DGKI: variants seen among roughly 807,000 people sequenced by gnomAD.
DGKI encodes the protein diacylglycerol kinase iota.
Under a neutral mutation model 147.5 loss-of-function variants are expected in DGKI, and 55 were observed. The observed-to-expected ratio is 0.37, with a 90% CI of 0.30 to 0.47. The LOEUF is 0.47. Among genes scored for constraint, DGKI ranks in the 20% least tolerant of loss-of-function variants. The pLI, the probability that DGKI is intolerant of heterozygous loss-of-function variation, is 1.00. For synonymous variants in DGKI, 469 were observed against 477.1 expected, an observed-to-expected ratio of 0.98 and a Z score of 0.22; for missense variants, 1,007 against 1,323.8, an observed-to-expected ratio of 0.76 and a Z score of 3.71.
At chr7:137,469,724 G>A in intron 23 of DGKI, 105 bp from the exon 24 acceptor site, 2 of 892,700 alleles carry the variant, frequency 2.2e-6, no homozygotes, top group Non-Finnish European at 3.3e-6. Context: ...CTGGTGAGAA[G>A]AGCAAATCAC....
Position 137,550,320 on chromosome 7 carries a change from C to T in DGKI, c.2147+2049G>A, listed in dbSNP as rs894725743. The stretch of plus-strand genomic sequence containing the variant: ...CCTCCTGAGTAGCTGGGATTACAGG[C>T]GCATGCCACCACACCTGTCTAATTT... On this transcript the variant is annotated intron_variant, in intron 20 of 32. Coordinates refer to ENST00000614521, the MANE Select transcript of DGKI (RefSeq NM_001321708.2). Among the ~76,000 whole-genome samples, 25 of 151,904 alleles carry T rather than the reference C, an allele frequency of 1.6e-4. 3 individuals are homozygous for T. The highest frequency in any genetic ancestry group is 7.2e-4 in the Admixed American group (11 of 15,238).
intron 1 of DGKI, among the ~76,000 whole-genome samples, chr7:137,764,968 A>C (rs1795967779): frequency 6.6e-6 from 1 of 152,132 alleles, no homozygotes; most frequent in Non-Finnish European, 1.5e-5. Context: ...CTAAAGTTTC[A>C]CAGCTAATAA....
At chr7:137,656,328 A>C in intron 4 of DGKI, 138 bp downstream of exon 4, 1 of 826,020 alleles carries the variant, frequency 1.2e-6, no homozygotes, top group Non-Finnish European at 2.0e-6. Context: ...TCCATTAGTA[A>C]TCTGGTAATA....
intron 28 of DGKI, among the ~76,000 whole-genome samples, chr7:137,424,745 C>A (rs1325988051): frequency 6.6e-6 from 1 of 152,174 alleles, no homozygotes; most frequent in African/African-American, 2.4e-5. Flanking sequence ...TATCTCGCAC[C>A]TGGATTGGAG....
chr7:137,418,294 C>T (rs1812433934), intron 28 of DGKI, among the ~76,000 whole-genome samples: 1 of 152,166 alleles, frequency 6.6e-6, no homozygotes. Flanking sequence ...CTCTGCCTTG[C>T]AAATAAGCTC....
At chr7:137,568,495 G>C (rs948383747) in intron 19 of DGKI, among the ~76,000 whole-genome samples, 5 of 152,144 alleles carry the variant, frequency 3.3e-5, no homozygotes, top group African/African-American at 1.2e-4. Flanking sequence ...TATTTGGACT[G>C]CATCAGTGGC....
chr7:137,679,480 G>C (rs1374431405), intron 2 of DGKI, among the ~76,000 whole-genome samples: 1 of 150,780 alleles, frequency 6.6e-6, no homozygotes, highest in East Asian at 1.9e-4. Flanking sequence ...GGAAATTATA[G>C]ATTTATATAT....
intron 1 of DGKI, among the ~76,000 whole-genome samples, chr7:137,823,847 T>C (rs1399553634): frequency 6.6e-6 from 1 of 152,214 alleles, no homozygotes; most frequent in East Asian, 1.9e-4. Context: ...AAGAACTTTG[T>C]GGAAGAATCA....
intron 21 of DGKI, chr7:137,493,915 C>T: frequency 1.7e-6 from 1 of 601,454 alleles, no homozygotes. Flanking sequence ...ACACCCAATC[C>T]AAAAATTCTA....
chr7:137,386,412 A>T lies in DGKI; in HGVS notation c.*4808T>A, dbSNP rs1380475811. 6.6e-6 allele frequency: 1 copy of T among 152,122 alleles called. No homozygotes were observed. The highest frequency in any genetic ancestry group is 1.5e-5 in the Non-Finnish European group (1 of 68,014). 9.4% of individuals were successfully genotyped at this position (152,122 alleles called of 1,614,324 possible). A position where few individuals can be genotyped will look rare whatever the true frequency, so the allele number is the denominator to read the frequency against. ...AGCCGTGATTGTGTACCCTCATGGG[A>T]CTAAGACAGATATTTGCTAAACCTG... On this transcript the variant is annotated 3_prime_UTR_variant, in exon 33 of 33. Coordinates refer to ENST00000614521, the MANE Select transcript of DGKI (RefSeq NM_001321708.2).
intron 27 of DGKI, among the ~76,000 whole-genome samples, chr7:137,456,288 A>G (rs1814203214): frequency 6.6e-6 from 1 of 152,236 alleles, no homozygotes; most frequent in Non-Finnish European, 1.5e-5. Flanking sequence ...TGGAACCCAC[A>G]GCCTAACAAA....
intron 15 of DGKI, among the ~76,000 whole-genome samples, chr7:137,578,637 T>C (rs1402319573): frequency 6.6e-6 from 1 of 152,182 alleles, no homozygotes; most frequent in African/African-American, 2.4e-5. Context: ...GTGGAGTCTA[T>C]ACATCTGTGG....
chr7:137,735,008 G>A (rs1181766304), intron 1 of DGKI, among the ~76,000 whole-genome samples: 1 of 151,896 alleles, frequency 6.6e-6, no homozygotes, highest in Non-Finnish European at 1.5e-5. Flanking sequence ...CATTACCCTG[G>A]GTGGCTCCTT....
intron 12 of DGKI, among the ~76,000 whole-genome samples, chr7:137,591,446 G>C (rs1016559768): frequency 2.0e-5 from 3 of 152,084 alleles, no homozygotes; most frequent in African/African-American, 7.2e-5. Context: ...TCTGGCTGAG[G>C]TGGGTCTATA....
At chr7:137,627,644 C>A (rs916977191) in intron 6 of DGKI, among the ~76,000 whole-genome samples, 1 of 152,122 alleles carries the variant, frequency 6.6e-6, no homozygotes, top group Non-Finnish European at 1.5e-5. Context: ...GGATAAAAAT[C>A]AATACAGTAG....
chr7:137,438,193 A>T (rs1813354736), intron 28 of DGKI, among the ~76,000 whole-genome samples: 1 of 152,156 alleles, frequency 6.6e-6, no homozygotes, highest in South Asian at 2.1e-4. Flanking sequence ...AATAATTTTT[A>T]CATAGAATAC....
At chr7:137,495,088 T>G (rs1463612601) in intron 21 of DGKI, among the ~76,000 whole-genome samples, 2 of 150,882 alleles carry the variant, frequency 1.3e-5, no homozygotes, top group Non-Finnish European at 3.0e-5. Flanking sequence ...AGAGAGAAGA[T>G]CCAAATAAAC....
At chr7:137,529,277 T>A in intron 20 of DGKI, among the ~76,000 whole-genome samples, 1 of 152,156 alleles carries the variant, frequency 6.6e-6, no homozygotes, top group East Asian at 1.9e-4. Flanking sequence ...TTCACCACTA[T>A]GTAATCTACG....
intron 1 of DGKI, among the ~76,000 whole-genome samples, chr7:137,839,737 T>C (rs1798492576): frequency 1.3e-5 from 2 of 152,212 alleles, no homozygotes; most frequent in Admixed American, 1.3e-4. Context: ...GTTTCGAATG[T>C]TGTTCCCAAC....
Sources: allele counts gnomAD v4.1 joint callset (sites outside exome capture counted in the v4.1 genomes callset), GRCh38; gene constraint gnomAD v4.1.1; transcripts MANE v1.5; gene names NCBI Gene and HGNC (gene_info 2026-07-23, HGNC 2026-07-21).